The following FBXO31 variants were observed in gnomAD, a reference collection of about 807,000 sequenced individuals.
FBXO31 encodes F-box protein 31, also known as F-box only protein 31.
A neutral mutation model predicts 54.4 loss-of-function variants in FBXO31; 24 were observed. The ratio of observed to expected loss-of-function variants is 0.44; its 90% CI spans 0.32 to 0.62. FBXO31 has a LOEUF of 0.62. FBXO31 is among the 20% of genes least tolerant of loss of function. The pLI, the probability that FBXO31 is intolerant of heterozygous loss-of-function variation, is 0.05. For synonymous variants in FBXO31, 388 were observed against 335.6 expected (o/e 1.16, Z -1.71); for missense variants, 665 against 787.1 (o/e 0.84, Z 1.86).
At position 87,343,611 on chromosome 16, in the gene FBXO31, T is replaced by C; in HGVS notation, c.644A>G (p.His215Arg). 6 of 1,609,992 alleles carry C rather than the reference T, an allele frequency of 3.7e-6. No homozygotes were observed. Among genetic ancestry groups the C allele is most frequent in the Non-Finnish European group, 5.1e-6 (6 of 1,178,232 alleles). ...ECMYGHKGPH[H>R]GHIQIVKKDE... is the part of the protein sequence containing the mutation. ...CGCTGCACACACCTGGATGTGGCCG[T>C]GGTGGGGCCCTTTGTGGCCGTACAT... The change falls in exon 4 of 9, where the codon CAC becomes CGC. Residue 215 changes from histidine to arginine, a missense_variant. His to Arg is a conservative substitution (Grantham distance 29). Around this residue, in one of 4 missense-constraint regions of FBXO31, gnomAD observed 234 missense variants for 346.8 expected, o/e 0.67. Transcript: ENST00000311635.
chr16:87,389,842 T>G (rs1907459955), exon 1 of FBXO31: 1 of 152,186 alleles, frequency 6.6e-6, no homozygotes. Context: ...GTTAAAAATT[T>G]CGGAATCTGG....
rs1905088132 is a variant in FBXO31, at chr16:87,338,184, C to T, written c.733-1920G>A. On this transcript the variant is annotated intron_variant, in intron 5 of 8. Transcript: ENST00000311635. The surrounding 1 kb of genome is among the most constrained non-coding windows in gnomAD (Gnocchi z 4.3). The stretch of plus-strand genomic sequence containing the variant: ...CCTGTTACCCAGAATAAGGCCGTCC[C>T]AAGCATGTTTATTATGAAATTACTC... Among the ~76,000 whole-genome samples the T allele has an allele frequency of 6.6e-6, 1 of 150,988 alleles. No individual in the cohort carries two copies. The highest frequency in any genetic ancestry group is 6.6e-5 in the Admixed American group (1 of 15,160).
At chr16:87,378,324 A>C (rs1192618004) in intron 1 of FBXO31, among the ~76,000 whole-genome samples, 1 of 152,242 alleles carries the variant, frequency 6.6e-6, no homozygotes, top group East Asian at 1.9e-4. Flanking sequence ...TATCAGGCAA[A>C]TGCAAAATAA....
At chr16:87,375,354 T>C (rs1597378278) in intron 1 of FBXO31, among the ~76,000 whole-genome samples, 3 of 150,360 alleles carry the variant, frequency 2.0e-5, no homozygotes, top group Admixed American at 1.3e-4. Flanking sequence ...TAGCTGGGCA[T>C]GGTGGTGCAT....
rs1904766387 is a variant in FBXO31, at chr16:87,329,456, A to C, written c.*1832T>G. On this transcript the variant is annotated 3_prime_UTR_variant, in exon 9 of 9. Coordinates refer to ENST00000311635, the MANE Select transcript of FBXO31 (RefSeq NM_024735.5). ...GCGAGGCTCGGGCTCTTGGTAAAAAAGCATTTGCTTGATTTTATTTAAACA... is the reference window on the plus strand; with the variant it reads ...GCGAGGCTCGGGCTCTTGGTAAAAACGCATTTGCTTGATTTTATTTAAACA... 1 of 152,324 alleles carries C rather than the reference A, an allele frequency of 6.6e-6. No homozygotes were observed. 9.4% of individuals were successfully genotyped at this position (152,324 alleles called of 1,614,324 possible).
chr16:87,342,755 T>C (rs183884269), intron 5 of FBXO31, 122 bp downstream of exon 5: 140 of 767,962 alleles, frequency 1.8e-4, no homozygotes, highest in Admixed American at 5.0e-4. Context: ...GGCTGAACCA[T>C]GTGAAACAGC....
intron 5 of FBXO31, among the ~76,000 whole-genome samples, chr16:87,339,109 A>G (rs1046807887): frequency 6.6e-6 from 1 of 152,112 alleles, no homozygotes; most frequent in Admixed American, 6.5e-5. Flanking sequence ...CTTATAAATT[A>G]CCCAGTCTTG....
At chr16:87,385,835 C>T (rs1907309913), upstream of FBXO31, among the ~76,000 whole-genome samples, 1 of 152,034 alleles carries the variant, frequency 6.6e-6, no homozygotes, top group Non-Finnish European at 1.5e-5. Context: ...ATGGTGAAAC[C>T]TTGTCTCTAC....
At chr16:87,385,681 G>A (rs1907304790), upstream of FBXO31, among the ~76,000 whole-genome samples, 1 of 152,122 alleles carries the variant, frequency 6.6e-6, no homozygotes, top group Admixed American at 6.6e-5. Context: ...GAGTTAGCCA[G>A]GAGGAGAACA....
At chr16:87,354,199 G>A (rs559589803) in intron 2 of FBXO31, among the ~76,000 whole-genome samples, 16 of 152,354 alleles carry the variant, frequency 1.1e-4, no homozygotes, top group Admixed American at 3.9e-4. Flanking sequence ...TTGTCCAGGC[G>A]CGGTGGCTCA....
rs34678078 is a variant in FBXO31 at position 87,357,327 on chromosome 16, CTT to C, written c.412+2966_412+2967del. On this transcript the variant is annotated intron_variant, in intron 2 of 8. Transcript: ENST00000311635. Reference sequence around the variant, plus strand: ...AGAGCTCCATCAAAAGAATTCGGTTCTTTTTTTTTTTTTTTTTTTGAGACAGA... The same window carrying C: ...AGAGCTCCATCAAAAGAATTCGGTTCTTTTTTTTTTTTTTTTTGAGACAGA... Among the ~76,000 whole-genome samples the C allele has an allele frequency of 7.1e-4, 88 of 123,378 alleles. 1 individual carries two copies. Among genetic ancestry groups the C allele is most frequent in the Admixed American group, 4.5e-3 (53 of 11,886 alleles). 80.9% of individuals were successfully genotyped at this position (123,378 alleles called of 152,430 possible). A position where few individuals can be genotyped will look rare whatever the true frequency, so the allele number is the denominator to read the frequency against.
rs1905327290 is a variant in FBXO31, at chr16:87,345,103, G to C, written c.490-1338C>G. On this transcript the variant is annotated intron_variant, in intron 3 of 8. Coordinates refer to ENST00000311635, the MANE Select transcript of FBXO31 (RefSeq NM_024735.5). This position sits in a 1 kb window ranked among gnomAD's most constrained non-coding sequence, Gnocchi z 4.9. ...GCATGCCAGGCCTGGAAGAACCTGT[G>C]CAGAGGCCACGGGGAGACAGACACA... Among the ~76,000 whole-genome samples the C allele has an allele frequency of 6.6e-6, 1 of 152,234 alleles. No individual in the cohort carries two copies. The highest frequency in any genetic ancestry group is 1.5e-5 in the Non-Finnish European group (1 of 68,040).
intron 1 of FBXO31, 88 bp from the exon 2 acceptor site, chr16:87,360,454 G>A (rs1224651922): frequency 3.6e-6 from 4 of 1,103,926 alleles, no homozygotes; most frequent in South Asian, 1.3e-5. Flanking sequence ...GGCAGGGGAG[G>A]TGCACACCTA....
In FBXO31 at chr16:87,380,742, G is replaced by C. The variant is rs534748361; in HGVS notation, c.340+2663C>G. Among the ~76,000 whole-genome samples the C allele has an allele frequency of 1.6e-4, 24 of 152,330 alleles. 1 individual carries two copies. The South Asian group carries it at 4.8e-3, about 30-fold the overall frequency. On this transcript the variant is annotated intron_variant, in intron 1 of 8. Coordinates refer to ENST00000311635, the MANE Select transcript of FBXO31 (RefSeq NM_024735.5). ...TTCATTCTACATCACGGTGTCTGGT[G>C]TCCCAGGACAGCTGCGCTGAGAACC...
intron 1 of FBXO31, among the ~76,000 whole-genome samples, chr16:87,382,942 T>A (rs944913694): frequency 6.6e-6 from 1 of 152,144 alleles, no homozygotes; most frequent in Non-Finnish European, 1.5e-5. Context: ...CCTGCTCCCA[T>A]TTCTTCAAGT....
At chr16:87,353,519 G>A (rs1043312949) in intron 2 of FBXO31, among the ~76,000 whole-genome samples, 1 of 152,268 alleles carries the variant, frequency 6.6e-6, no homozygotes, top group African/African-American at 2.4e-5. Flanking sequence ...CTTCCGAGAA[G>A]ACAGAGACTC....
At chr16:87,365,037 AT>A (rs1459066942) in intron 1 of FBXO31, among the ~76,000 whole-genome samples, 2 of 106,892 alleles carry the variant, frequency 1.9e-5, no homozygotes, top group African/African-American at 7.0e-5. Flanking sequence ...ATATATATAT[AT>A]ATCAGGCAGG....
At chr16:87,388,256 C>CT (rs1249680512), upstream of FBXO31, among the ~76,000 whole-genome samples, 1 of 152,238 alleles carries the variant, frequency 6.6e-6, no homozygotes, top group African/African-American at 2.4e-5. Context: ...ACTGAACATA[C>CT]AGCCTGCTCT....
intron 1 of FBXO31, among the ~76,000 whole-genome samples, chr16:87,381,662 G>A (rs994316934): frequency 6.6e-6 from 1 of 152,188 alleles, no homozygotes; most frequent in African/African-American, 2.4e-5. Context: ...CAAACTCAAA[G>A]AGCCCGACAA....
Sources: allele counts gnomAD v4.1 joint callset (sites outside exome capture counted in the v4.1 genomes callset), GRCh38; gene constraint gnomAD v4.1.1; regional missense constraint gnomAD v4.1.1; non-coding constraint Gnocchi (gnomAD v3.1); transcripts MANE v1.5; gene names NCBI Gene and HGNC (gene_info 2026-07-23, HGNC 2026-07-21).